HS3ST4: variants seen among roughly 807,000 people sequenced by gnomAD.
HS3ST4 encodes the protein heparan sulfate-glucosamine 3-sulfotransferase 4.
Under a neutral mutation model 29.2 loss-of-function variants are expected in HS3ST4, and 17 were observed. The observed-to-expected ratio is 0.58, with a 90% CI of 0.40 to 0.87. The LOEUF is 0.87. Among genes scored for constraint, HS3ST4 ranks in the 40% least tolerant of loss-of-function variants. The pLI is 0.00. For missense variants in HS3ST4, 627 were observed against 634.5 expected (o/e 0.99, Z 0.13); for synonymous variants, 314 against 285.7 (o/e 1.10, Z -1.00).
chr16:26,039,936 G>A (rs1969620351), intron 1 of HS3ST4, among the ~76,000 whole-genome samples: 3 of 152,108 alleles, frequency 2.0e-5, no homozygotes, highest in Admixed American at 2.0e-4. Context: ...TTGCAACAAT[G>A]CCTCAGTGAA....
At chr16:25,743,226 A>C (rs372338839) in intron 1 of HS3ST4, among the ~76,000 whole-genome samples, 1 of 152,196 alleles carries the variant, frequency 6.6e-6, no homozygotes, top group South Asian at 2.1e-4. Context: ...TTGGCTGTGC[A>C]TGCATCTTCT....
chr16:25,916,807 G>C (rs1357866197), intron 1 of HS3ST4, among the ~76,000 whole-genome samples: 1 of 151,032 alleles, frequency 6.6e-6, no homozygotes, highest in Non-Finnish European at 1.5e-5. Flanking sequence ...AGCCTCCCGA[G>C]TAGCTGGGAC....
chr16:25,920,368 A>C (rs115084363), intron 1 of HS3ST4, among the ~76,000 whole-genome samples: 4,499 of 152,078 alleles, frequency 0.03, 251 homozygotes, highest in African/African-American at 0.1. Flanking sequence ...ATCATACCCT[A>C]CGGGGCCCTC....
At chr16:25,776,616 A>G (rs1322382271) in intron 1 of HS3ST4, among the ~76,000 whole-genome samples, 2 of 152,124 alleles carry the variant, frequency 1.3e-5, no homozygotes, top group African/African-American at 4.8e-5. Context: ...TAAACTTTCT[A>G]AATTAACTGA....
At chr16:25,965,180 A>G (rs1049612287) in intron 1 of HS3ST4, among the ~76,000 whole-genome samples, 1 of 152,086 alleles carries the variant, frequency 6.6e-6, no homozygotes, top group Non-Finnish European at 1.5e-5. Flanking sequence ...GTCTCTAAAC[A>G]TCTGGTTCCT....
At chr16:25,693,189 G>GGGGGAGACGCGGA (rs1480393047) in intron 1 of HS3ST4, 38 bp downstream of exon 1, 1 of 1,510,372 alleles carries the variant, frequency 6.6e-7, no homozygotes, top group South Asian at 1.3e-5. Flanking sequence ...GGAGACGCGT[G>GGGGGAGACGCGGA]GGGGAGACGC....
chr16:26,007,891 C>T (rs1969272379), intron 1 of HS3ST4, among the ~76,000 whole-genome samples: 1 of 151,704 alleles, frequency 6.6e-6, no homozygotes, highest in African/African-American at 2.4e-5. Flanking sequence ...TTCTGGGGCC[C>T]AAGGCAGTTA....
chr16:26,006,474 A>G (rs923022785), intron 1 of HS3ST4, among the ~76,000 whole-genome samples: 3 of 151,864 alleles, frequency 2.0e-5, no homozygotes, highest in African/African-American at 7.3e-5. Flanking sequence ...AGACAGGGGG[A>G]CTGCAATAGA....
At chr16:25,985,849 C>T (rs1383256703) in intron 1 of HS3ST4, among the ~76,000 whole-genome samples, 1 of 151,994 alleles carries the variant, frequency 6.6e-6, no homozygotes, top group African/African-American at 2.4e-5. Context: ...GCATGCCAGG[C>T]AATTTTTAAA....
chr16:26,051,526 A>G (rs1898345642), intron 1 of HS3ST4, among the ~76,000 whole-genome samples: 1 of 152,068 alleles, frequency 6.6e-6, no homozygotes, highest in South Asian at 2.1e-4. Flanking sequence ...GGGGAAACTG[A>G]GGCTTAGAGA....
At chr16:25,955,812 G>A (rs1056605951) in intron 1 of HS3ST4, among the ~76,000 whole-genome samples, 5 of 117,146 alleles carry the variant, frequency 4.3e-5, no homozygotes, top group African/African-American at 7.2e-5. Flanking sequence ...ACAATGTGAT[G>A]TATACTTTTT....
rs183208142 is a variant in HS3ST4 at position 25,918,945 on chromosome 16, G to A, written c.735-216667G>A. On this transcript the variant is annotated intron_variant, in intron 1 of 1. Transcript: ENST00000331351. The stretch of plus-strand genomic sequence containing the variant: ...CTCTTATGACAGACTGTCACCCTGT[G>A]GGAATAGGAGCTTTGTGTTAACAAA... Among the ~76,000 whole-genome samples the A allele has an allele frequency of 6.4e-3, 978 of 152,310 alleles. 8 individuals carry two copies. Among genetic ancestry groups the A allele is most frequent in the Non-Finnish European group, 0.01 (681 of 68,036 alleles).
At chr16:25,982,729 C>T (rs1318463087) in intron 1 of HS3ST4, among the ~76,000 whole-genome samples, 1 of 151,954 alleles carries the variant, frequency 6.6e-6, no homozygotes, top group East Asian at 1.9e-4. Context: ...ACTTGGGAAG[C>T]CGAGGCAGGA....
At chr16:25,851,442 A>C (rs947357894) in intron 1 of HS3ST4, among the ~76,000 whole-genome samples, 3 of 152,024 alleles carry the variant, frequency 2.0e-5, no homozygotes, top group Non-Finnish European at 4.4e-5. Context: ...CCATCTTCCC[A>C]AGTCTTCATT....
chr16:25,776,610 CT>C (rs1350945028), intron 1 of HS3ST4, among the ~76,000 whole-genome samples: 1 of 152,170 alleles, frequency 6.6e-6, no homozygotes, highest in African/African-American at 2.4e-5. Context: ...GCAAAATAAA[CT>C]TTCTAAATTA....
chr16:25,697,547 T>G (rs1422018003), intron 1 of HS3ST4, among the ~76,000 whole-genome samples: 2 of 152,232 alleles, frequency 1.3e-5, no homozygotes, highest in Admixed American at 1.3e-4. Flanking sequence ...ACTAGAAAAT[T>G]TAAAAGTACA....
rs73525804 is a variant in HS3ST4, at chr16:26,120,616, A to C, written c.735-14996A>C. On this transcript the variant is annotated intron_variant, in intron 1 of 1. Coordinates refer to ENST00000331351, the MANE Select transcript of HS3ST4 (RefSeq NM_006040.3). ...GTGTGGCAGAACACACTCGCTCTTC[A>C]CAGGAACACTGACACCTGTCATGTA... Among the ~76,000 whole-genome samples the C allele has an allele frequency of 1.5e-3, 231 of 152,326 alleles. 1 individual carries two copies. Among genetic ancestry groups the C allele is most frequent in the African/African-American group, 5.4e-3 (223 of 41,576 alleles).
chr16:25,793,554 T>G (rs763096824), intron 1 of HS3ST4, among the ~76,000 whole-genome samples: 82 of 152,000 alleles, frequency 5.4e-4, no homozygotes, highest in Non-Finnish European at 8.8e-5. Flanking sequence ...TAATTATGTT[T>G]CTTGCCTTAA....
intron 1 of HS3ST4, among the ~76,000 whole-genome samples, chr16:26,085,898 T>TAATAATAACAAC (rs1898780939): frequency 6.7e-6 from 1 of 149,614 alleles, no homozygotes; most frequent in African/African-American, 2.5e-5. Flanking sequence ...ATAATAATAA[T>TAATAATAACAAC]AATAATAATA....
Sources: gnomAD v4.1 joint callset for allele counts (sites outside exome capture counted in the v4.1 genomes callset) on GRCh38, gnomAD v4.1.1 for gene constraint, MANE v1.5 for transcripts, NCBI Gene and HGNC (gene_info 2026-07-23, HGNC 2026-07-21) for gene names.